CCDC33: variants seen among roughly 807,000 people sequenced by gnomAD.
The protein encoded by CCDC33 is coiled-coil domain-containing protein 33.
CCDC33 carries 94 observed loss-of-function variants against 91.9 expected under a neutral mutation model. The observed-to-expected ratio is 1.02, with a 90% CI of 0.87 to 1.21. The LOEUF is 1.21. Among genes scored for constraint, CCDC33 ranks in the 50% most tolerant of loss-of-function variants. CCDC33 has a pLI of 0.00. For missense variants in CCDC33, 940 were observed against 935.5 expected (o/e 1.00, Z -0.06); for synonymous variants, 396 against 374.5 (o/e 1.06, Z -0.66).
chr15:74,332,815 C>T lies in CCDC33; in HGVS notation c.1908C>T (p.Ala636=). Residue 636 remains alanine (A), a synonymous_variant, in exon 16 of 19, where the codon GCC becomes GCT. Coordinates refer to ENST00000398814, the MANE Select transcript of CCDC33 (RefSeq NM_025055.5). ...TELDKNRHQQ[A]PIILQQQALP... is the part of the protein sequence containing the mutation. ...TGGATAAGAACCGCCACCAGCAGGCCCCCATCATTCTGCAGCAACAGGCCC... is the reference window on the plus strand; with the variant it reads ...TGGATAAGAACCGCCACCAGCAGGCTCCCATCATTCTGCAGCAACAGGCCC... The T allele has an allele frequency of 6.2e-7, 1 of 1,614,136 alleles. No individual in the cohort carries two copies. The highest frequency in any genetic ancestry group is 1.1e-5 in the South Asian group (1 of 91,078).
intron 2 of CCDC33, chr15:74,209,665 C>G: frequency 1.8e-6 from 1 of 550,184 alleles, no homozygotes; most frequent in South Asian, 2.5e-5. Context: ...CAACCTCCAA[C>G]GCTGCTGGAC....
chr15:74,256,810 G>C (rs1327492314), intron 2 of CCDC33, among the ~76,000 whole-genome samples: 1 of 152,238 alleles, frequency 6.6e-6, no homozygotes, highest in Non-Finnish European at 1.5e-5. Flanking sequence ...ACTTAAGCCT[G>C]ACTTTGGGCC....
At chr15:74,296,039 C>T (rs173272) in intron 11 of CCDC33, 91 bp downstream of exon 11, 237,026 of 1,155,416 alleles carry the variant, frequency 0.21, 29,620 homozygotes, top group African/African-American at 0.5. Context: ...TGCTTCATGC[C>T]TCAGGTGGCC....
At chr15:74,248,693 C>T (rs1204610589) in intron 2 of CCDC33, among the ~76,000 whole-genome samples, 1 of 152,138 alleles carries the variant, frequency 6.6e-6, no homozygotes, top group Non-Finnish European at 1.5e-5. Context: ...GCCATTTCAC[C>T]CCTTAAGGAG....
chr15:74,292,212 C>T (rs2059597720), intron 10 of CCDC33, among the ~76,000 whole-genome samples: 1 of 152,192 alleles, frequency 6.6e-6, no homozygotes. Context: ...CGAGGCAAGG[C>T]TGGGCTTGAT....
intron 11 of CCDC33, among the ~76,000 whole-genome samples, chr15:74,311,365 G>A (rs138809043): frequency 1.1e-3 from 163 of 152,206 alleles, no homozygotes; most frequent in South Asian, 2.5e-3. Flanking sequence ...CACATGCTTC[G>A]CAAAAATAAT....
At chr15:74,224,172 C>T (rs1328048821) in intron 2 of CCDC33, among the ~76,000 whole-genome samples, 1 of 152,064 alleles carries the variant, frequency 6.6e-6, no homozygotes, top group Admixed American at 6.5e-5. Context: ...AGGTGCTGGC[C>T]CTGGGGAGGC....
chr15:74,275,565 C>T lies in CCDC33; in HGVS notation c.759+2674C>T, dbSNP rs190779100. Among the ~76,000 whole-genome samples the T allele has an allele frequency of 6.6e-5, 10 of 152,300 alleles. No individual in the cohort carries two copies. In the East Asian group the frequency reaches 1.9e-3, roughly 29 times the overall value. On this transcript the variant is annotated intron_variant, in intron 7 of 18. Transcript: ENST00000398814. ...GGATGCTCAGGCTCAGAAGCATCCT[C>T]GAGGTCTCAGGATCTTTCCAACACC...
intron 1 of CCDC33, chr15:74,208,788 G>A (rs1225309011): frequency 3.0e-6 from 3 of 988,390 alleles, no homozygotes; most frequent in Non-Finnish European, 3.6e-6. Context: ...CCCAGACTTG[G>A]CTCCAGCCTA....
At chr15:74,228,748 C>T (rs1244950170) in intron 2 of CCDC33, among the ~76,000 whole-genome samples, 1 of 152,194 alleles carries the variant, frequency 6.6e-6, no homozygotes, top group Non-Finnish European at 1.5e-5. Context: ...TTCCTGGAGA[C>T]GCCTCCCCGT....
intron 7 of CCDC33, among the ~76,000 whole-genome samples, chr15:74,275,183 C>A (rs2076419761): frequency 2.0e-5 from 3 of 152,242 alleles, no homozygotes; most frequent in Non-Finnish European, 4.4e-5. Context: ...CACCAACTGT[C>A]ACTGTGCAAA....
intron 11 of CCDC33, among the ~76,000 whole-genome samples, chr15:74,310,007 C>T (rs1042389699): frequency 6.6e-6 from 1 of 151,982 alleles, no homozygotes; most frequent in Non-Finnish European, 1.5e-5. Flanking sequence ...AAAAATTAAC[C>T]AAGCATGGTG....
At chr15:74,263,541 A>G (rs1232848812) in intron 3 of CCDC33, among the ~76,000 whole-genome samples, 1 of 152,248 alleles carries the variant, frequency 6.6e-6, no homozygotes, top group Non-Finnish European at 1.5e-5. Flanking sequence ...GGAAGGAGCT[A>G]GTTCTAGGTC....
At chr15:74,254,642 C>A (rs549388677) in intron 2 of CCDC33, among the ~76,000 whole-genome samples, 1 of 152,278 alleles carries the variant, frequency 6.6e-6, no homozygotes, top group East Asian at 1.9e-4. Context: ...TCTACCCTGT[C>A]TCTGGCCACT....
upstream of CCDC33, among the ~76,000 whole-genome samples, chr15:74,232,145 G>T (rs1201695504): frequency 6.6e-6 from 1 of 152,212 alleles, no homozygotes; most frequent in Non-Finnish European, 1.5e-5. Context: ...TTGGGGGTGT[G>T]AAGGGGCTGG....
intron 10 of CCDC33, among the ~76,000 whole-genome samples, chr15:74,283,609 G>A (rs977524023): frequency 1.3e-5 from 2 of 152,216 alleles, no homozygotes; most frequent in East Asian, 1.9e-4. Flanking sequence ...TCATTTAGCT[G>A]CTGAGTGTTT....
chr15:74,229,526 A>T (rs796418079), intron 2 of CCDC33, among the ~76,000 whole-genome samples: 16 of 152,348 alleles, frequency 1.1e-4, no homozygotes, highest in African/African-American at 3.6e-4. Context: ...TAAAGTGGGG[A>T]CAATAGTAGC....
chr15:74,247,573 G>T (rs1227839613), intron 2 of CCDC33, among the ~76,000 whole-genome samples: 1 of 152,170 alleles, frequency 6.6e-6, no homozygotes, highest in Admixed American at 6.5e-5. Context: ...CGTTATGCTA[G>T]ATGAAATAAG....
chr15:74,216,844 T>G (rs2074460211), upstream of CCDC33, among the ~76,000 whole-genome samples: 1 of 151,558 alleles, frequency 6.6e-6, no homozygotes, highest in East Asian at 2.0e-4. Context: ...TCCTTGTCCC[T>G]GCTCTAATTT....
Sources: allele counts gnomAD v4.1 joint callset (sites outside exome capture counted in the v4.1 genomes callset), GRCh38; gene constraint gnomAD v4.1.1; transcripts MANE v1.5; gene names NCBI Gene and HGNC (gene_info 2026-07-23, HGNC 2026-07-21).